HRH1: variants seen among roughly 807,000 people sequenced by gnomAD.
HRH1 encodes histamine receptor H1, also known as histamine H1 receptor.
In HRH1, 6 loss-of-function variants were observed where a neutral mutation model predicts 10.3. The observed-to-expected ratio is 0.58, with a 90% CI of 0.32 to 1.15. The LOEUF (loss-of-function observed/expected upper bound fraction) is 1.15, where lower values mean the gene tolerates loss of function less well. Among genes scored for constraint, HRH1 ranks in the 50% most tolerant of loss-of-function variants. The probability of loss-of-function intolerance (pLI) is 0.05; values close to 1 mark genes in which losing one functional copy is unlikely to be tolerated. For synonymous variants in HRH1, 242 were observed against 236.7 expected (o/e 1.02, Z -0.21); for missense variants, 514 against 615.3 (o/e 0.84, Z 1.74).
intron 1 of HRH1, among the ~76,000 whole-genome samples, chr3:11,223,183 CAAAAAAAAAA>C (rs58149660): frequency 2.1e-3 from 57 of 26,812 alleles, no homozygotes; most frequent in Admixed American, 0.014. Context: ...GACTTCGTCT[CAAAAAAAAAA>C]AAAAAAAAAA....
At chr3:11,178,958 A>G (rs899609895) in intron 1 of HRH1, among the ~76,000 whole-genome samples, 3 of 152,226 alleles carry the variant, frequency 2.0e-5, no homozygotes, top group African/African-American at 7.2e-5. Flanking sequence ...GGCGTGGAGT[A>G]GGTCCACAGT....
intron 1 of HRH1, among the ~76,000 whole-genome samples, chr3:11,249,018 G>A (rs1387650486): frequency 6.6e-6 from 1 of 151,986 alleles, no homozygotes; most frequent in Non-Finnish European, 1.5e-5. Context: ...TGTTTCAATA[G>A]CTAGAGTTTG....
chr3:11,216,274 A>G (rs929552690), intron 1 of HRH1, among the ~76,000 whole-genome samples: 1 of 152,210 alleles, frequency 6.6e-6, no homozygotes, highest in Admixed American at 6.5e-5. Context: ...TTCTCAGTAT[A>G]TACCCGAAAG....
intron 1 of HRH1, among the ~76,000 whole-genome samples, chr3:11,243,509 CAAGT>C (rs1939402889): frequency 6.6e-6 from 1 of 152,188 alleles, no homozygotes. Context: ...GAGAAAGGAA[CAAGT>C]AAGAGTTTCA....
chr3:11,171,008 C>T (rs1327619147), intron 1 of HRH1, among the ~76,000 whole-genome samples: 1 of 152,092 alleles, frequency 6.6e-6, no homozygotes, highest in Non-Finnish European at 1.5e-5. Context: ...TAGGGATCGC[C>T]TCCCTCCCTG....
intron 1 of HRH1, among the ~76,000 whole-genome samples, chr3:11,188,972 T>G (rs778493375): frequency 1.1e-4 from 17 of 152,174 alleles, no homozygotes; most frequent in Non-Finnish European, 1.6e-4. Context: ...TCCTGTTCCT[T>G]CATGCATAAG....
At chr3:11,223,777 AC>A (rs1411946314) in intron 1 of HRH1, among the ~76,000 whole-genome samples, 2 of 152,072 alleles carry the variant, frequency 1.3e-5, no homozygotes, top group Admixed American at 6.5e-5. Flanking sequence ...ATCTTGAGCA[AC>A]CCCCTTGTTT....
At chr3:11,228,687 TG>T (rs1264312279) in intron 1 of HRH1, among the ~76,000 whole-genome samples, 2 of 152,040 alleles carry the variant, frequency 1.3e-5, no homozygotes, top group Non-Finnish European at 2.9e-5. Flanking sequence ...GAGGCCGAGA[TG>T]GGTGGATCAC....
intron 1 of HRH1, among the ~76,000 whole-genome samples, chr3:11,253,961 G>C (rs772668561): frequency 6.6e-6 from 1 of 152,076 alleles, no homozygotes. Flanking sequence ...CAGCTGCTTG[G>C]GGGAGAGGAA....
chr3:11,237,674 T>TCC lies in HRH1; in HGVS notation c.-35-21329_-35-21328insCC, dbSNP rs1939220598. 1.3e-4 allele frequency among the ~76,000 whole-genome samples: 3 copies of TCC among 22,404 alleles called. No homozygotes were observed. In the East Asian group the frequency reaches 6.5e-3, roughly 49 times the overall value. The allele number at this position is 22,404 out of a possible 152,430, so 14.7% of individuals were successfully genotyped here. On this transcript the variant is annotated intron_variant, in intron 1 of 1. Transcript: ENST00000431010. ...TTTCTTTTTCTTTTCCTTTTTTTTT[T>TCC]TTTTTTTTTTTTTTTTTTTGAGATG...
chr3:11,206,646 C>A (rs780664075), intron 1 of HRH1, among the ~76,000 whole-genome samples: 2 of 152,228 alleles, frequency 1.3e-5, no homozygotes, highest in Non-Finnish European at 2.9e-5. Flanking sequence ...GATGCAGGGA[C>A]CAAGGCGCAG....
intron 1 of HRH1, among the ~76,000 whole-genome samples, chr3:11,192,101 A>C (rs1051832730): frequency 6.6e-6 from 1 of 152,144 alleles, no homozygotes; most frequent in South Asian, 2.1e-4. Flanking sequence ...CTATCCATGG[A>C]CCTTTATTAG....
At chr3:11,228,296 G>A (rs1938949112) in intron 1 of HRH1, among the ~76,000 whole-genome samples, 1 of 151,764 alleles carries the variant, frequency 6.6e-6, no homozygotes, top group African/African-American at 2.4e-5. Flanking sequence ...AGGCAGAATT[G>A]CTTGAGGGCA....
At chr3:11,195,664 T>C (rs1559266616) in intron 1 of HRH1, among the ~76,000 whole-genome samples, 2 of 152,210 alleles carry the variant, frequency 1.3e-5, no homozygotes, top group Non-Finnish European at 2.9e-5. Flanking sequence ...AGGTGCGTTA[T>C]CCAGGACTCT....
intron 1 of HRH1, among the ~76,000 whole-genome samples, chr3:11,143,838 C>G (rs554042447): frequency 1.1e-4 from 16 of 152,304 alleles, no homozygotes; most frequent in East Asian, 5.8e-4. Context: ...ACATCCTCCC[C>G]CTTCAAGCCG....
intron 1 of HRH1, among the ~76,000 whole-genome samples, chr3:11,245,351 TAA>T (rs5846699): frequency 0.02 from 2,925 of 149,460 alleles, 47 homozygotes; most frequent in East Asian, 0.088. Flanking sequence ...AGACTTCATC[TAA>T]AAAAAAAAAA....
At chr3:11,194,412 C>T (rs1292735123) in intron 1 of HRH1, among the ~76,000 whole-genome samples, 9 of 152,218 alleles carry the variant, frequency 5.9e-5, no homozygotes, top group Non-Finnish European at 1.3e-4. Flanking sequence ...TCACCTCAGG[C>T]TCCCACCCCG....
At chr3:11,171,894 G>A (rs549788718) in intron 1 of HRH1, among the ~76,000 whole-genome samples, 17 of 152,318 alleles carry the variant, frequency 1.1e-4, no homozygotes, top group African/African-American at 4.1e-4. Flanking sequence ...CTCAGTAAGG[G>A]GAAAACTTCT....
intron 1 of HRH1, among the ~76,000 whole-genome samples, chr3:11,138,403 T>C (rs935883197): frequency 1.3e-5 from 2 of 152,020 alleles, no homozygotes; most frequent in Non-Finnish European, 2.9e-5. Context: ...TGAACAGACA[T>C]TTCTCCAAAG....
Sources: allele counts gnomAD v4.1 joint callset (sites outside exome capture counted in the v4.1 genomes callset), GRCh38; gene constraint gnomAD v4.1.1; transcripts MANE v1.5; gene names NCBI Gene and HGNC (gene_info 2026-07-23, HGNC 2026-07-21).